The following TMPO variants were observed in gnomAD, a reference collection of about 807,000 sequenced individuals.
TMPO encodes the protein LEM domain containing 4.
A neutral mutation model predicts 45.4 loss-of-function variants in TMPO; 22 were observed. That is an observed-to-expected ratio of 0.48 (90% CI 0.35 to 0.69). The LOEUF (loss-of-function observed/expected upper bound fraction) is 0.69. TMPO is among the 30% of genes least tolerant of loss of function. The pLI is 0.01. For missense variants in TMPO, 512 were observed against 548.8 expected (o/e 0.93, Z 0.67); for synonymous variants, 241 against 204.1 (o/e 1.18, Z -1.54).
At chr12:98,527,622 C>A in intron 1 of TMPO, 1 of 356,846 alleles carries the variant, frequency 2.8e-6, no homozygotes, top group Non-Finnish European at 5.2e-6. Context: ...ATTACTATCT[C>A]TTTTAGATAG....
At chr12:98,523,930 C>T (rs910831851) in intron 1 of TMPO, among the ~76,000 whole-genome samples, 1 of 152,148 alleles carries the variant, frequency 6.6e-6, no homozygotes, top group East Asian at 1.9e-4. Context: ...CCTCCCTCCT[C>T]GGCCTCCCAA....
intron 1 of TMPO, among the ~76,000 whole-genome samples, chr12:98,520,275 T>C (rs1425067276): frequency 7.0e-6 from 1 of 143,178 alleles, no homozygotes; most frequent in Non-Finnish European, 1.5e-5. Flanking sequence ...TATTTTTCCC[T>C]TCCTTCCTTC....
At chr12:98,522,696 A>G (rs1372635361) in intron 1 of TMPO, among the ~76,000 whole-genome samples, 2 of 152,264 alleles carry the variant, frequency 1.3e-5, no homozygotes, top group Non-Finnish European at 2.9e-5. Context: ...TTACTAAAAT[A>G]TAATTTTGGG....
intron 1 of TMPO, among the ~76,000 whole-genome samples, chr12:98,518,093 C>T (rs980821166): frequency 6.7e-6 from 1 of 149,416 alleles, no homozygotes; most frequent in African/African-American, 2.5e-5. Flanking sequence ...TGCAGTGAGC[C>T]GAGATCGCGC....
intron 4 of TMPO, 119 bp downstream of exon 4, chr12:98,537,691 CTGT>C (rs1401984994): frequency 2.4e-6 from 2 of 832,948 alleles, no homozygotes; most frequent in African/African-American, 1.7e-5. Flanking sequence ...AAACTTAATT[CTGT>C]TGTTAAATGA....
At chr12:98,525,086 A>C (rs1476189791) in intron 1 of TMPO, among the ~76,000 whole-genome samples, 1 of 152,208 alleles carries the variant, frequency 6.6e-6, no homozygotes, top group Non-Finnish European at 1.5e-5. Context: ...ACCTGACTGC[A>C]CTTTTTGGAA....
At chr12:98,533,661 A>G (rs1877365792) in intron 3 of TMPO, 1 of 1,614,138 alleles carries the variant, frequency 6.2e-7, no homozygotes, top group Admixed American at 1.7e-5. Flanking sequence ...TCTCTCATTC[A>G]CTCACTACCT....
intron 1 of TMPO, among the ~76,000 whole-genome samples, chr12:98,526,700 C>G (rs1453427438): frequency 6.6e-6 from 1 of 152,126 alleles, no homozygotes. Context: ...TGGCTCATGC[C>G]TGTAATCCCA....
chr12:98,533,919 A>C, intron 3 of TMPO: 2 of 1,614,134 alleles, frequency 1.2e-6, no homozygotes, highest in South Asian at 1.1e-5. Context: ...GAGGTATTCA[A>C]GCAGCCTCCA....
rs892703575 is a variant in TMPO at position 98,550,342 on chromosome 12, A to G, written c.*2484A>G. The G allele has an allele frequency of 2.6e-5, 4 of 152,354 alleles. No individual in the cohort carries two copies. Among genetic ancestry groups the G allele is most frequent in the South Asian group, 2.1e-4 (1 of 4,826 alleles). 9.4% of individuals were successfully genotyped at this position (152,354 alleles called of 1,614,324 possible). ...TGTCGTTGCAATAAATGGTTTTCAG[A>G]TAGCACAAACTGTGATTTCTGGATA... On this transcript the variant is annotated 3_prime_UTR_variant, in exon 9 of 9. Transcript: ENST00000556029.
At chr12:98,533,586 T>C in intron 3 of TMPO, 1 of 1,614,192 alleles carries the variant, frequency 6.2e-7, no homozygotes, top group South Asian at 1.1e-5. Context: ...GGGATTCAGG[T>C]TCCTTTGTGG....
At chr12:98,540,819 C>T (rs567658802) in intron 4 of TMPO, among the ~76,000 whole-genome samples, 2 of 152,190 alleles carry the variant, frequency 1.3e-5, no homozygotes, top group Admixed American at 6.5e-5. Flanking sequence ...AATGATATAG[C>T]GGCCTTCCTG....
At chr12:98,519,479 A>G (rs985514015) in intron 1 of TMPO, among the ~76,000 whole-genome samples, 2 of 152,180 alleles carry the variant, frequency 1.3e-5, no homozygotes, top group African/African-American at 2.4e-5. Context: ...GAATGCAAGG[A>G]TGAGCGACGG....
intron 1 of TMPO, among the ~76,000 whole-genome samples, chr12:98,523,258 A>G (rs1443936002): frequency 1.3e-5 from 2 of 152,162 alleles, no homozygotes; most frequent in African/African-American, 4.8e-5. Flanking sequence ...TGACAGATTA[A>G]AAACCACATG....
chr12:98,521,209 G>A (rs1002426562), intron 1 of TMPO, among the ~76,000 whole-genome samples: 3 of 143,910 alleles, frequency 2.1e-5, no homozygotes, highest in South Asian at 2.2e-4. Context: ...CTGGGTTCAC[G>A]CCATTCTCCT....
chr12:98,533,869 G>A (rs563931096), intron 3 of TMPO: 1 of 1,614,204 alleles, frequency 6.2e-7, no homozygotes, highest in East Asian at 2.2e-5. Context: ...AAAAGTAGAT[G>A]ATGAAATCCT....
At chr12:98,530,158 T>G in intron 2 of TMPO, among the ~76,000 whole-genome samples, 1 of 151,606 alleles carries the variant, frequency 6.6e-6, no homozygotes, top group Non-Finnish European at 1.5e-5. Flanking sequence ...GACAACATAG[T>G]GAAACCTTGT....
At chr12:98,527,724 T>A (rs1403057645) in intron 1 of TMPO, 162 bp from the exon 2 acceptor site, 2 of 703,874 alleles carry the variant, frequency 2.8e-6, no homozygotes, top group Non-Finnish European at 4.8e-6. Context: ...TTAGAAAGTG[T>A]TCTCCAATAA....
Position 98,515,806 on chromosome 12 carries a change from A to G in TMPO, c.-62A>G. ...GCAGCGCGGTCCCCGGCCAGGAGCAAGCGCGCCGGCGTGAGCGGCGGCGGC... is the reference window on the plus strand; with the variant it reads ...GCAGCGCGGTCCCCGGCCAGGAGCAGGCGCGCCGGCGTGAGCGGCGGCGGC... On this transcript the variant is annotated 5_prime_UTR_variant, in exon 1 of 9. Coordinates refer to ENST00000556029, the MANE Select transcript of TMPO (RefSeq NM_001032283.3). 6.4e-7 allele frequency: 1 copy of G among 1,566,102 alleles called. No homozygotes were observed. Among genetic ancestry groups the G allele is most frequent in the South Asian group, 1.2e-5 (1 of 86,018 alleles).
Sources: gnomAD v4.1 joint callset for allele counts (sites outside exome capture counted in the v4.1 genomes callset) on GRCh38, gnomAD v4.1.1 for gene constraint, MANE v1.5 for transcripts, NCBI Gene and HGNC (gene_info 2026-07-23, HGNC 2026-07-21) for gene names.